The following GRM1 variants were observed in gnomAD, a reference collection of about 807,000 sequenced individuals.
GRM1 encodes the protein metabotropic glutamate receptor 1.
In GRM1, 33 loss-of-function variants were observed where a neutral mutation model predicts 90.9. The ratio of observed to expected loss-of-function variants is 0.36; its 90% CI spans 0.28 to 0.49. The LOEUF (loss-of-function observed/expected upper bound fraction) is 0.49. Ranked by LOEUF, GRM1 falls within the 20% of genes least tolerant of loss-of-function variation. The probability of loss-of-function intolerance (pLI) is 0.99; values close to 1 mark genes in which losing one functional copy is unlikely to be tolerated. For synonymous variants in GRM1, 700 were observed against 613.2 expected, an observed-to-expected ratio of 1.14 and a Z score of -2.09; for missense variants, 1,190 against 1,534.3, an observed-to-expected ratio of 0.78 and a Z score of 3.75.
At chr6:146,330,205 CAT>C (rs1161419261) in intron 3 of GRM1, among the ~76,000 whole-genome samples, 1 of 152,144 alleles carries the variant, frequency 6.6e-6, no homozygotes, top group East Asian at 1.9e-4. Context: ...GGGAGGGAAA[CAT>C]AGTGAAGATT....
intron 2 of GRM1, among the ~76,000 whole-genome samples, chr6:146,298,438 G>T (rs1783263123): frequency 6.6e-6 from 1 of 152,124 alleles, no homozygotes; most frequent in South Asian, 2.1e-4. Context: ...AGTTCACTAT[G>T]GGACCTAGTG....
chr6:146,028,235 G>C (rs1790565219), upstream of GRM1, among the ~76,000 whole-genome samples: 1 of 27,016 alleles, frequency 3.7e-5, no homozygotes, highest in African/African-American at 1.8e-4. Context: ...GGAAGGGAGT[G>C]TGTGTGTGTG....
At chr6:146,413,457 G>A (rs938408980) in intron 7 of GRM1, among the ~76,000 whole-genome samples, 1 of 151,992 alleles carries the variant, frequency 6.6e-6, no homozygotes, top group Non-Finnish European at 1.5e-5. Context: ...ACAGTCTTCA[G>A]CATTTCTTTC....
chr6:146,194,939 C>T (rs1446991389), intron 2 of GRM1, among the ~76,000 whole-genome samples: 1 of 152,196 alleles, frequency 6.6e-6, no homozygotes, highest in Non-Finnish European at 1.5e-5. Context: ...CCTAACCTCT[C>T]TGTGACTTGG....
At chr6:146,064,765 T>C (rs1456057481) in intron 1 of GRM1, among the ~76,000 whole-genome samples, 1 of 149,590 alleles carries the variant, frequency 6.7e-6, no homozygotes, top group Non-Finnish European at 1.5e-5. Flanking sequence ...CACTCCAGCC[T>C]GGGTGACAGA....
intron 2 of GRM1, among the ~76,000 whole-genome samples, chr6:146,290,203 A>T (rs528468318): frequency 6.6e-5 from 10 of 152,282 alleles, no homozygotes; most frequent in African/African-American, 2.4e-4. Flanking sequence ...TGAACAGATT[A>T]GTGCACTTTA....
At chr6:146,334,361 A>G (rs1282590579) in intron 3 of GRM1, among the ~76,000 whole-genome samples, 1 of 152,188 alleles carries the variant, frequency 6.6e-6, no homozygotes, top group African/African-American at 2.4e-5. Context: ...TGACATCAGG[A>G]ATGCTTTTAC....
chr6:146,377,941 G>A (rs1013932636), intron 5 of GRM1, among the ~76,000 whole-genome samples: 6 of 152,170 alleles, frequency 3.9e-5, no homozygotes, highest in Admixed American at 1.3e-4. Context: ...GTGCACCCTA[G>A]GGATTTGGTG....
intron 1 of GRM1, among the ~76,000 whole-genome samples, chr6:146,090,892 T>C (rs1776693584): frequency 6.6e-6 from 1 of 151,884 alleles, no homozygotes; most frequent in Admixed American, 6.6e-5. Flanking sequence ...CTGAAGAGAA[T>C]CAATCAATGA....
chr6:146,259,470 G>T (rs955100054), intron 2 of GRM1, among the ~76,000 whole-genome samples: 7 of 152,064 alleles, frequency 4.6e-5, no homozygotes, highest in South Asian at 2.1e-4. Flanking sequence ...CCTGTGCCCC[G>T]CTGGCAGTGG....
chr6:146,425,276 G>A (rs1778154874), intron 7 of GRM1, among the ~76,000 whole-genome samples: 1 of 152,136 alleles, frequency 6.6e-6, no homozygotes, highest in Non-Finnish European at 1.5e-5. Flanking sequence ...TTCAGGTAGT[G>A]AACATCTGTT....
At chr6:146,198,532 T>C (rs1451630677) in intron 2 of GRM1, among the ~76,000 whole-genome samples, 1 of 152,206 alleles carries the variant, frequency 6.6e-6, no homozygotes, top group Non-Finnish European at 1.5e-5. Flanking sequence ...GCCAAGTATG[T>C]TAGTAACAAT....
chr6:146,162,691 A>T (rs76153252), intron 2 of GRM1, among the ~76,000 whole-genome samples: 2 of 152,240 alleles, frequency 1.3e-5, no homozygotes, highest in Middle Eastern at 3.4e-3. Flanking sequence ...TCCATATTTG[A>T]CCACTTGGAA....
At chr6:146,079,239 A>G (rs770751966) in intron 1 of GRM1, among the ~76,000 whole-genome samples, 1 of 152,200 alleles carries the variant, frequency 6.6e-6, no homozygotes, top group Non-Finnish European at 1.5e-5. Flanking sequence ...TGGGCTGGAC[A>G]TTAGGTTGAG....
chr6:146,404,214 G>A (rs1332766192), intron 7 of GRM1, among the ~76,000 whole-genome samples: 1 of 152,070 alleles, frequency 6.6e-6, no homozygotes, highest in Non-Finnish European at 1.5e-5. Context: ...CTACTGGATA[G>A]TAATATTTAT....
chr6:146,067,210 G>A (rs757964283), intron 1 of GRM1, among the ~76,000 whole-genome samples: 49 of 152,238 alleles, frequency 3.2e-4, no homozygotes, highest in African/African-American at 7.5e-4. Context: ...AAATTTGCTC[G>A]TCAGCAATAA....
At chr6:146,307,319 T>C (rs2114932401) in intron 3 of GRM1, among the ~76,000 whole-genome samples, 1 of 152,312 alleles carries the variant, frequency 6.6e-6, no homozygotes, top group Non-Finnish European at 1.5e-5. Flanking sequence ...TCAGCAAATA[T>C]TTCTCTTTTT....
At chr6:146,156,616 T>G (rs2128890076) in intron 1 of GRM1, among the ~76,000 whole-genome samples, 1 of 152,322 alleles carries the variant, frequency 6.6e-6, no homozygotes, top group African/African-American at 2.4e-5. Flanking sequence ...AAATGATGTT[T>G]CTGCTTAGCT....
At chr6:146,144,776 T>C (rs1237721318) in intron 1 of GRM1, among the ~76,000 whole-genome samples, 1 of 152,170 alleles carries the variant, frequency 6.6e-6, no homozygotes, top group Non-Finnish European at 1.5e-5. Flanking sequence ...TTAAGAGTGA[T>C]TCTGATGAGG....
Sources: allele counts gnomAD v4.1 joint callset (sites outside exome capture counted in the v4.1 genomes callset), GRCh38; gene constraint gnomAD v4.1.1; transcripts MANE v1.5; gene names NCBI Gene and HGNC (gene_info 2026-07-23, HGNC 2026-07-21).